The following EPB41L4B variants were observed in gnomAD, a reference collection of about 807,000 sequenced individuals.
The protein encoded by EPB41L4B is erythrocyte membrane protein band 4.1 like 4B.
Under a neutral mutation model 112.5 loss-of-function variants are expected in EPB41L4B, and 30 were observed. The observed-to-expected ratio is 0.27, with a 90% confidence interval of 0.20 to 0.36. The LOEUF (loss-of-function observed/expected upper bound fraction) is 0.36. Ranked by LOEUF, EPB41L4B falls within the 10% of genes least tolerant of loss-of-function variation. EPB41L4B has a pLI of 1.00. For synonymous variants in EPB41L4B, 408 were observed against 439.7 expected (o/e 0.93, Z 0.90); for missense variants, 1,024 against 1,133.3 (o/e 0.90, Z 1.38).
At chr9:109,254,528 G>A (rs1247105978) in intron 11 of EPB41L4B, among the ~76,000 whole-genome samples, 3 of 152,172 alleles carry the variant, frequency 2.0e-5, no homozygotes, top group Non-Finnish European at 4.4e-5. Context: ...CCATGTGTGG[G>A]TAGAGGTTAT....
intron 1 of EPB41L4B, among the ~76,000 whole-genome samples, chr9:109,285,190 T>A (rs1327400293): frequency 6.6e-6 from 1 of 152,242 alleles, no homozygotes; most frequent in Non-Finnish European, 1.5e-5. Flanking sequence ...GACCATCCCA[T>A]CACACAGAGT....
intron 21 of EPB41L4B, among the ~76,000 whole-genome samples, chr9:109,193,923 A>G (rs1832552037): frequency 6.6e-6 from 1 of 152,166 alleles, no homozygotes; most frequent in Admixed American, 6.5e-5. Context: ...TTTACAGTGG[A>G]CTAATAGCTT....
At chr9:109,313,679 G>A (rs909239215) in intron 1 of EPB41L4B, among the ~76,000 whole-genome samples, 18 of 152,192 alleles carry the variant, frequency 1.2e-4, no homozygotes, top group Non-Finnish European at 2.1e-4. Context: ...GGGGCAGCAG[G>A]CAGCACACAG....
At chr9:109,202,552 C>T (rs1255481067) in intron 19 of EPB41L4B, among the ~76,000 whole-genome samples, 1 of 152,084 alleles carries the variant, frequency 6.6e-6, no homozygotes, top group Non-Finnish European at 1.5e-5. Context: ...GGGAAACTAC[C>T]CTAAGGAGAC....
At chr9:109,299,085 C>G (rs1249461281) in intron 1 of EPB41L4B, among the ~76,000 whole-genome samples, 6 of 152,172 alleles carry the variant, frequency 3.9e-5, no homozygotes, top group Admixed American at 3.9e-4. Flanking sequence ...GACATTCTAA[C>G]GAGCGAAGTG....
At chr9:109,225,392 G>A (rs1833723210) in intron 15 of EPB41L4B, among the ~76,000 whole-genome samples, 1 of 152,202 alleles carries the variant, frequency 6.6e-6, no homozygotes, top group Non-Finnish European at 1.5e-5. Flanking sequence ...AAAGAGGTTT[G>A]ATAAATTCAC....
chr9:109,210,003 G>T (rs935727136), intron 17 of EPB41L4B, among the ~76,000 whole-genome samples: 1 of 152,078 alleles, frequency 6.6e-6, no homozygotes, highest in African/African-American at 2.4e-5. Context: ...TTCTTCATAG[G>T]ATTGTTATGG....
At chr9:109,209,036 A>G (rs547086391) in intron 17 of EPB41L4B, among the ~76,000 whole-genome samples, 40 of 152,288 alleles carry the variant, frequency 2.6e-4, no homozygotes, top group African/African-American at 8.9e-4. Context: ...ACTAAATGTG[A>G]CATATCAGCC....
At chr9:109,279,962 C>T in intron 1 of EPB41L4B, 41 bp from the exon 2 acceptor site, 1 of 1,491,680 alleles carries the variant, frequency 6.7e-7, no homozygotes, top group Non-Finnish European at 9.2e-7. Flanking sequence ...TAGGGTGAGA[C>T]AGCTAGATAA....
chr9:109,254,563 C>T (rs1014240386), intron 11 of EPB41L4B, among the ~76,000 whole-genome samples: 3 of 152,052 alleles, frequency 2.0e-5, no homozygotes, highest in Non-Finnish European at 2.9e-5. Context: ...TTTTAGATAT[C>T]GTAACTGAGA....
At chr9:109,260,011 GA>G (rs776508353) in intron 6 of EPB41L4B, among the ~76,000 whole-genome samples, 1 of 152,200 alleles carries the variant, frequency 6.6e-6, no homozygotes, top group Non-Finnish European at 1.5e-5. Flanking sequence ...GGGTTGGGGA[GA>G]GGGGGCACGG....
chr9:109,289,692 T>C (rs996279994), intron 1 of EPB41L4B, among the ~76,000 whole-genome samples: 16 of 152,220 alleles, frequency 1.1e-4, no homozygotes, highest in East Asian at 1.9e-4. Flanking sequence ...CACTAGGACA[T>C]TGACGTTTTG....
chr9:109,301,120 ACAAACC>A (rs1271346921), intron 1 of EPB41L4B: 5 of 152,246 alleles, frequency 3.3e-5, no homozygotes, highest in African/African-American at 1.2e-4. Flanking sequence ...AAAACACAAA[ACAAACC>A]CTCTTCTTGC....
chr9:109,175,113 C>T (rs1440592200), intron 25 of EPB41L4B, among the ~76,000 whole-genome samples: 4 of 151,700 alleles, frequency 2.6e-5, no homozygotes, highest in Admixed American at 6.6e-5. Context: ...GACGGGGTTT[C>T]ACCGTGTTGC....
At chr9:109,240,507 G>C (rs1414911236) in intron 15 of EPB41L4B, 7 of 985,270 alleles carry the variant, frequency 7.1e-6, no homozygotes, top group Non-Finnish European at 8.4e-6. Context: ...AGAATCAACT[G>C]ATTTCACAGA....
chr9:109,305,240 T>C (rs1204134817), intron 1 of EPB41L4B, among the ~76,000 whole-genome samples: 1 of 151,696 alleles, frequency 6.6e-6, no homozygotes, highest in East Asian at 1.9e-4. Context: ...GGGGGAATGA[T>C]GGGATAAGCT....
intron 15 of EPB41L4B, among the ~76,000 whole-genome samples, chr9:109,229,442 C>T (rs1187634791): frequency 1.3e-5 from 2 of 152,188 alleles, no homozygotes; most frequent in African/African-American, 4.8e-5. Context: ...GCATACATCT[C>T]GTCTGGATTG....
intron 15 of EPB41L4B, chr9:109,240,644 C>G: frequency 1.0e-6 from 1 of 985,404 alleles, no homozygotes; most frequent in Non-Finnish European, 1.2e-6. Flanking sequence ...ATTTCTGGTT[C>G]TACCAACAGA....
chr9:109,226,941 C>A (rs1215660618), intron 15 of EPB41L4B, among the ~76,000 whole-genome samples: 1 of 151,452 alleles, frequency 6.6e-6, no homozygotes, highest in Non-Finnish European at 1.5e-5. Context: ...TGGGCTCAAG[C>A]AATCTTCTTC....
Sources: gnomAD v4.1 joint callset for allele counts (sites outside exome capture counted in the v4.1 genomes callset) on GRCh38, gnomAD v4.1.1 for gene constraint, MANE v1.5 for transcripts, NCBI Gene and HGNC (gene_info 2026-07-23, HGNC 2026-07-21) for gene names.